ASB11: variants seen among roughly 807,000 people sequenced by gnomAD.
ASB11 encodes ankyrin repeat and SOCS box containing 11, also known as ankyrin repeat and SOCS box protein 11.
Under a neutral mutation model 20.1 loss-of-function variants are expected in ASB11, and 17 were observed. That is an observed-to-expected ratio of 0.85 (90% confidence interval 0.58 to 1.27). The LOEUF is 1.27. Ranked by LOEUF, ASB11 falls within the 50% of genes most tolerant of loss-of-function variation. The probability of loss-of-function intolerance (pLI) is 0.00; values close to 1 mark genes in which losing one functional copy is unlikely to be tolerated. For missense variants in ASB11, 259 were observed against 256.9 expected (o/e 1.01, Z -0.06); for synonymous variants, 107 against 105.6 (o/e 1.01, Z -0.08).
chrX:15,298,017 T>C (rs1920984517), intron 2 of ASB11, among the ~76,000 whole-genome samples: 1 of 112,344 alleles, frequency 8.9e-6, no homozygotes, highest in Non-Finnish European at 1.9e-5. Context: ...AGAATGTTAA[T>C]TCTGCATTCT....
intron 4 of ASB11, 46 bp downstream of exon 4, chrX:15,293,124 G>A (rs1455746967): frequency 1.7e-6 from 2 of 1,185,544 alleles, no homozygotes; most frequent in Admixed American, 4.5e-5. Context: ...ATACAGATTG[G>A]AGTGAGCCCA....
rs1231680554 is a variant in ASB11, at chrX:15,312,417, C to CAAAAAAAAAA, written c.181+2998_181+3007dup. On this transcript the variant is annotated intron_variant, in intron 1 of 6. Coordinates refer to ENST00000480796, the MANE Select transcript of ASB11 (RefSeq NM_080873.3). ...AATCCACCCCCACCCGCCCACTGCA[C>CAAAAAAAAAA]AAAAAAAAAAAAAAAAAAACAACTT... 2.5e-3 allele frequency among the ~76,000 whole-genome samples: 59 copies of CAAAAAAAAAA among 23,560 alleles called. 1 individual carries two copies. The highest frequency in any genetic ancestry group is 3.2e-3 in the African/African-American group (19 of 5,959). The allele number at this position is 23,560 out of a possible 115,157, so 20.5% of individuals were successfully genotyped here. A position where few individuals can be genotyped will look rare whatever the true frequency, so the allele number is the denominator to read the frequency against.
chrX:15,312,417 C>CAAAAAAAAAAA (rs1231680554), intron 1 of ASB11, among the ~76,000 whole-genome samples: 13 of 23,606 alleles, frequency 5.5e-4, no homozygotes, highest in Admixed American at 1.5e-3. Context: ...GCCCACTGCA[C>CAAAAAAAAAAA]AAAAAAAAAA....
intron 1 of ASB11, among the ~76,000 whole-genome samples, chrX:15,304,532 T>C (rs1921172061): frequency 8.9e-6 from 1 of 112,194 alleles, no homozygotes; most frequent in African/African-American, 3.2e-5. Context: ...CTTAGAGAAA[T>C]GTTGATCCCA....
intron 1 of ASB11, among the ~76,000 whole-genome samples, chrX:15,307,531 G>A (rs771701231): frequency 7.1e-5 from 8 of 112,223 alleles, no homozygotes; most frequent in Non-Finnish European, 1.3e-4. Flanking sequence ...TGCCACCACT[G>A]ATCTGACAGA....
intron 5 of ASB11, 112 bp from the exon 6 acceptor site, chrX:15,288,184 A>C (rs1299008699): frequency 1.2e-6 from 1 of 802,942 alleles, no homozygotes; most frequent in East Asian, 3.6e-5. Context: ...CATACTTGAC[A>C]AATGTTTGAA....
chrX:15,282,222 CTT>C lies in ASB11; in HGVS notation c.*1281_*1282del, dbSNP rs963327503. The C allele has an allele frequency of 1.8e-5, 2 of 111,118 alleles. No homozygotes were observed. The highest frequency in any genetic ancestry group is 6.5e-5 in the African/African-American group (2 of 30,544). The allele number at this position is 111,118 out of a possible 1,213,427, so 9.2% of individuals were successfully genotyped here. On this transcript the variant is annotated 3_prime_UTR_variant, in exon 7 of 7. Transcript: ENST00000480796. The stretch of plus-strand genomic sequence containing the variant: ...AAAAAAAAACATGTGTGAAATGAGT[CTT>C]AGGATGATCTGAGAGGGAATTTTCA...
chrX:15,293,420 T>C, intron 3 of ASB11, 100 bp from the exon 4 acceptor site: 1 of 965,550 alleles, frequency 1.0e-6, no homozygotes, highest in Non-Finnish European at 1.4e-6. Context: ...TTCCCCACGC[T>C]GGTGAATAAG....
intron 1 of ASB11, among the ~76,000 whole-genome samples, chrX:15,309,803 T>C (rs1242662789): frequency 9.3e-6 from 1 of 107,412 alleles, no homozygotes; most frequent in African/African-American, 3.4e-5. Context: ...CCATCTCTAC[T>C]AAATGTACAA....
intron 5 of ASB11, among the ~76,000 whole-genome samples, chrX:15,288,395 A>G (rs899904178): frequency 8.9e-6 from 1 of 112,044 alleles, no homozygotes; most frequent in African/African-American, 3.2e-5. Context: ...AGCTAAGTTT[A>G]TTTAGTATTT....
intron 1 of ASB11, among the ~76,000 whole-genome samples, chrX:15,311,793 C>T (rs1340210757): frequency 1.8e-5 from 2 of 110,769 alleles, no homozygotes; most frequent in Admixed American, 1.9e-4. Context: ...ATGGCCAGGA[C>T]TTAGGTTAAG....
At chrX:15,291,523 T>C (rs1417288031) in intron 4 of ASB11, among the ~76,000 whole-genome samples, 1 of 108,569 alleles carries the variant, frequency 9.2e-6, no homozygotes, top group Non-Finnish European at 1.9e-5. Context: ...CTGGCCAACA[T>C]GATGAAACCC....
intron 5 of ASB11, 52 bp downstream of exon 5, chrX:15,289,452 G>GA: frequency 9.1e-7 from 1 of 1,104,476 alleles, no homozygotes; most frequent in South Asian, 2.1e-5. Context: ...TGAAGCTGTA[G>GA]AAAATCAACA....
At chrX:15,285,430 C>T (rs975435255) in intron 6 of ASB11, among the ~76,000 whole-genome samples, 2 of 110,046 alleles carry the variant, frequency 1.8e-5, no homozygotes, top group South Asian at 4.0e-4. Flanking sequence ...TGAGCCACCG[C>T]GCCCAGCCAG....
At chrX:15,314,390 TATA>T (rs1285477606) in intron 1 of ASB11, 1 of 1,182,316 alleles carries the variant, frequency 8.5e-7, no homozygotes. Context: ...GTGTGACAAA[TATA>T]ATCCCCAAAA....
chrX:15,284,338 A>T (rs1927312843), intron 6 of ASB11, among the ~76,000 whole-genome samples: 1 of 110,414 alleles, frequency 9.1e-6, no homozygotes, highest in Non-Finnish European at 1.9e-5. Context: ...AACACGCAGG[A>T]CTCCAAGACA....
intron 2 of ASB11, among the ~76,000 whole-genome samples, chrX:15,299,384 G>C (rs1921002924): frequency 8.9e-6 from 1 of 111,832 alleles, no homozygotes; most frequent in Non-Finnish European, 1.9e-5. Context: ...CCAGATTATA[G>C]ACAGATTGAA....
In ASB11 at chrX:15,283,576, G is replaced by T. The variant is rs140674300; in HGVS notation, c.901C>A (p.Arg301=). Residue 301 remains arginine, a synonymous_variant, in exon 7 of 7, where the codon CGA becomes AGA. Transcript: ENST00000480796. ...TTGTGGATGGCTTGATGACATGCTC[G>T]ACCGAGACACTTCCGGACACACAGG... ...CRLCVRKCLG[R]ACHQAIHKLH... 1.2e-4 allele frequency: 143 copies of T among 1,207,556 alleles called. No individual in the cohort carries two copies. The African/African-American group carries it at 2.2e-3, about 18-fold the overall frequency.
rs188418068 is a variant in ASB11, at chrX:15,306,669, C to T, written c.182-3862G>A. ...AGTGAGCCAAGATCACGCCATTGCA[C>T]TCCAGCTTGGGTGACACAGTGACAC... On this transcript the variant is annotated intron_variant, in intron 1 of 6. Coordinates refer to ENST00000480796, the MANE Select transcript of ASB11 (RefSeq NM_080873.3). Among the ~76,000 whole-genome samples, 48 of 111,053 alleles carry T rather than the reference C, an allele frequency of 4.3e-4. 1 individual carries two copies. The highest frequency in any genetic ancestry group is 4.2e-3 in the Admixed American group (43 of 10,341).
Sources: allele counts gnomAD v4.1 joint callset (sites outside exome capture counted in the v4.1 genomes callset), GRCh38; gene constraint gnomAD v4.1.1; transcripts MANE v1.5; gene names NCBI Gene and HGNC (gene_info 2026-07-23, HGNC 2026-07-21).